Variants in CMSS1 observed in about 807,000 individuals in gnomAD.
The protein encoded by CMSS1 is cms1 ribosomal small subunit homolog, also known as protein CMSS1.
Under a neutral mutation model 43.5 loss-of-function variants are expected in CMSS1, and 33 were observed. That is an observed-to-expected ratio of 0.76 (90% CI 0.57 to 1.01). The LOEUF is 1.01. Among genes scored for constraint, CMSS1 ranks in the 50% least tolerant of loss-of-function variants. The pLI is 0.00. For missense variants in CMSS1, 313 were observed against 326.4 expected (o/e 0.96, Z 0.32); for synonymous variants, 115 against 117.2 (o/e 0.98, Z 0.12).
intron 1 of CMSS1, among the ~76,000 whole-genome samples, chr3:100,077,887 G>A (rs910185538): frequency 6.6e-6 from 1 of 152,050 alleles, no homozygotes; most frequent in African/African-American, 2.4e-5. Flanking sequence ...CAACCTGGGT[G>A]ACAGAATAAG....
rs1200787905 is a variant in CMSS1 at position 100,125,750 on chromosome 3, C to G, written c.65-21223C>G. The stretch of plus-strand genomic sequence containing the variant: ...GGGCATCCTGACTTGGACATATTTT[C>G]TACATATGTAAATTACAAAAAGGAA... On this transcript the variant is annotated intron_variant, in intron 1 of 9. Coordinates refer to ENST00000421999, the MANE Select transcript of CMSS1 (RefSeq NM_032359.4). Among the ~76,000 whole-genome samples the G allele has an allele frequency of 2.6e-5, 4 of 152,132 alleles. No homozygotes were observed. In the East Asian group the frequency reaches 5.8e-4, roughly 22 times the overall value.
chr3:99,935,330 G>A (rs1054732323), intron 1 of CMSS1, among the ~76,000 whole-genome samples: 11 of 151,390 alleles, frequency 7.3e-5, no homozygotes, highest in African/African-American at 2.7e-4. Flanking sequence ...TCTTCATGAA[G>A]TGCTGACCTA....
chr3:99,876,053 G>A, intron 1 of CMSS1: 6 of 985,790 alleles, frequency 6.1e-6, no homozygotes, highest in Non-Finnish European at 7.2e-6. Flanking sequence ...GTGGAGCGAA[G>A]TTGCTCTCCC....
chr3:100,023,554 G>A (rs1031245119), intron 1 of CMSS1: 16 of 152,692 alleles, frequency 1.0e-4, no homozygotes, highest in Middle Eastern at 3.4e-3. Flanking sequence ...CAGTTTCTTG[G>A]GGGGAGAGAA....
chr3:99,989,671 TA>T (rs1709453809), intron 1 of CMSS1, among the ~76,000 whole-genome samples: 1 of 142,448 alleles, frequency 7.0e-6, no homozygotes, highest in African/African-American at 2.7e-5. Flanking sequence ...CCTCTATATA[TA>T]TATATATATA....
chr3:100,035,445 G>C (rs879627339), intron 1 of CMSS1, among the ~76,000 whole-genome samples: 1 of 152,026 alleles, frequency 6.6e-6, no homozygotes, highest in Non-Finnish European at 1.5e-5. Flanking sequence ...AGCTAATTTG[G>C]TATTTTTAGT....
At chr3:100,069,925 G>A (rs1187683640) in intron 1 of CMSS1, among the ~76,000 whole-genome samples, 4 of 152,004 alleles carry the variant, frequency 2.6e-5, no homozygotes, top group African/African-American at 9.7e-5. Flanking sequence ...AAGAAAATCT[G>A]GTTTGATAGG....
At chr3:99,915,306 T>C (rs1706918115) in intron 1 of CMSS1, among the ~76,000 whole-genome samples, 1 of 152,228 alleles carries the variant, frequency 6.6e-6, no homozygotes, top group East Asian at 1.9e-4. Flanking sequence ...AAAAAATATT[T>C]ATTTTACCTC....
intron 1 of CMSS1, among the ~76,000 whole-genome samples, chr3:100,056,490 A>T (rs111868073): frequency 6.6e-6 from 1 of 152,224 alleles, no homozygotes; most frequent in Non-Finnish European, 1.5e-5. Flanking sequence ...ACAAAAGTTT[A>T]TAATCTGCTC....
intron 1 of CMSS1, among the ~76,000 whole-genome samples, chr3:100,018,898 A>G (rs2107221643): frequency 6.6e-6 from 1 of 152,354 alleles, no homozygotes; most frequent in East Asian, 1.9e-4. Context: ...GGCCCTGAAT[A>G]GACATCTCTC....
At chr3:99,965,421 T>G (rs1420078120) in intron 1 of CMSS1, among the ~76,000 whole-genome samples, 2 of 152,226 alleles carry the variant, frequency 1.3e-5, no homozygotes, top group Admixed American at 1.3e-4. Flanking sequence ...ACTCTGTGGA[T>G]GTACCAGCAT....
At chr3:99,904,009 C>T (rs1420275667) in intron 1 of CMSS1, among the ~76,000 whole-genome samples, 1 of 152,186 alleles carries the variant, frequency 6.6e-6, no homozygotes, top group African/African-American at 2.4e-5. Context: ...GGAAGAGTAA[C>T]TGTTGAGATA....
intron 1 of CMSS1, among the ~76,000 whole-genome samples, chr3:100,078,755 A>T (rs949191369): frequency 6.6e-6 from 1 of 152,000 alleles, no homozygotes; most frequent in Non-Finnish European, 1.5e-5. Flanking sequence ...GCCGAGCATC[A>T]TGGCGGGTGC....
At chr3:100,147,137 C>T in intron 2 of CMSS1, 76 bp downstream of exon 2, 1 of 1,504,734 alleles carries the variant, frequency 6.6e-7, no homozygotes, top group South Asian at 1.3e-5. Flanking sequence ...TTGAACTCCC[C>T]ATGTCCTAAT....
intron 1 of CMSS1, among the ~76,000 whole-genome samples, chr3:100,112,266 T>C (rs1477923352): frequency 6.6e-6 from 1 of 152,092 alleles, no homozygotes; most frequent in Non-Finnish European, 1.5e-5. Flanking sequence ...GTAATGAAAA[T>C]TTTGCTTTAG....
intron 1 of CMSS1, among the ~76,000 whole-genome samples, chr3:99,938,639 T>G (rs1297912779): frequency 1.3e-5 from 2 of 152,220 alleles, no homozygotes; most frequent in Non-Finnish European, 2.9e-5. Context: ...GAAAGAGATG[T>G]ATTAAGATTA....
intron 1 of CMSS1, among the ~76,000 whole-genome samples, chr3:100,078,752 A>G (rs1184280428): frequency 2.6e-5 from 4 of 152,086 alleles, no homozygotes; most frequent in South Asian, 2.1e-4. Flanking sequence ...TTAGCCGAGC[A>G]TCATGGCGGG....
intron 1 of CMSS1, among the ~76,000 whole-genome samples, chr3:99,836,027 C>T (rs762693361): frequency 1.3e-5 from 2 of 152,036 alleles, no homozygotes; most frequent in African/African-American, 2.4e-5. Flanking sequence ...GGAGATGAAA[C>T]GAAAGATGAA....
intron 1 of CMSS1, among the ~76,000 whole-genome samples, chr3:100,071,731 C>A (rs189605242): frequency 6.6e-6 from 1 of 152,282 alleles, no homozygotes; most frequent in East Asian, 1.9e-4. Flanking sequence ...GACTGCTCCT[C>A]CCCAAATGAT....
Sources: gnomAD v4.1 joint callset for allele counts (sites outside exome capture counted in the v4.1 genomes callset) on GRCh38, gnomAD v4.1.1 for gene constraint, MANE v1.5 for transcripts, NCBI Gene and HGNC (gene_info 2026-07-23, HGNC 2026-07-21) for gene names.